WDFY3: variants seen among roughly 807,000 people sequenced by gnomAD.
WDFY3 encodes the protein WD repeat and FYVE domain containing 3.
Under a neutral mutation model 409.6 loss-of-function variants are expected in WDFY3, and 66 were observed. The ratio of observed to expected loss-of-function variants is 0.16; its 90% CI spans 0.13 to 0.20. The LOEUF (loss-of-function observed/expected upper bound fraction) is 0.20. Among genes scored for constraint, WDFY3 ranks in the 10% least tolerant of loss-of-function variants. The pLI, the probability that WDFY3 is intolerant of heterozygous loss-of-function variation, is 1.00. For synonymous variants in WDFY3, 1,521 were observed against 1,537.1 expected, an observed-to-expected ratio of 0.99 and a Z score of 0.25; for missense variants, 3,031 against 4,298.1, an observed-to-expected ratio of 0.71 and a Z score of 8.24.
intron 59 of WDFY3, among the ~76,000 whole-genome samples, chr4:84,692,192 TC>T (rs909470497): frequency 6.6e-6 from 1 of 152,156 alleles, no homozygotes; most frequent in African/African-American, 2.4e-5. Flanking sequence ...GTCATGTCAT[TC>T]CCCAGAGGAA....
chr4:84,863,845 G>A (rs1220932273), intron 3 of WDFY3, among the ~76,000 whole-genome samples: 1 of 152,124 alleles, frequency 6.6e-6, no homozygotes, highest in Non-Finnish European at 1.5e-5. Context: ...AAGATCAGCT[G>A]ACTGTAAATG....
intron 2 of WDFY3, among the ~76,000 whole-genome samples, chr4:84,929,357 G>A (rs1361594423): frequency 6.6e-6 from 1 of 152,038 alleles, no homozygotes; most frequent in Admixed American, 6.5e-5. Context: ...TGAGCCAGAG[G>A]ACTCAGTTAA....
At chr4:84,901,083 T>C (rs536454527) in intron 2 of WDFY3, among the ~76,000 whole-genome samples, 1 of 152,310 alleles carries the variant, frequency 6.6e-6, no homozygotes, top group East Asian at 1.9e-4. Flanking sequence ...TGTCCTCACA[T>C]GGCAGAAGGC....
At chr4:84,721,317 A>G in intron 47 of WDFY3, 92 bp downstream of exon 47, 1 of 1,517,088 alleles carries the variant, frequency 6.6e-7, no homozygotes, top group Non-Finnish European at 8.9e-7. Flanking sequence ...AGGCTAATGC[A>G]TTTACTTTCC....
At chr4:84,961,694 T>C (rs1398458353) in intron 1 of WDFY3, among the ~76,000 whole-genome samples, 1 of 152,170 alleles carries the variant, frequency 6.6e-6, no homozygotes, top group Non-Finnish European at 1.5e-5. Flanking sequence ...AAACTTTCTA[T>C]ACTGAGTCTA....
chr4:84,742,810 T>C (rs1355729489), intron 37 of WDFY3, among the ~76,000 whole-genome samples: 1 of 152,204 alleles, frequency 6.6e-6, no homozygotes, highest in African/African-American at 2.4e-5. Context: ...TCCATGAAAC[T>C]GGTCCCCAGT....
chr4:84,687,868 T>C (rs1728591913), intron 62 of WDFY3: 6 of 444,766 alleles, frequency 1.3e-5, no homozygotes. Flanking sequence ...TGGTGGTCTC[T>C]GACTTTCAGG....
Position 84,858,617 on chromosome 4 carries a change from G to A in WDFY3, c.180+1795C>T, listed in dbSNP as rs562674952. ...TATTTACCGAGACTGAACAATACAA[G>A]TTTTCAGATTAAGAAGGCTTAAGCT... On this transcript the variant is annotated intron_variant, in intron 4 of 67. Transcript: ENST00000295888. Among the ~76,000 whole-genome samples, 29 of 151,684 alleles carry A rather than the reference G, an allele frequency of 1.9e-4. No homozygotes were observed. The East Asian group carries it at 2.9e-3, about 15-fold the overall frequency.
intron 1 of WDFY3, among the ~76,000 whole-genome samples, chr4:84,949,123 T>C (rs895401941): frequency 2.0e-5 from 3 of 152,172 alleles, no homozygotes; most frequent in Admixed American, 2.0e-4. Context: ...GATTCTAGTC[T>C]GTCCTGCATA....
intron 32 of WDFY3, among the ~76,000 whole-genome samples, chr4:84,761,597 C>A (rs577923291): frequency 5.3e-5 from 8 of 152,124 alleles, no homozygotes; most frequent in Middle Eastern, 3.4e-3. Context: ...GCAACAAAAG[C>A]CAAAATTGAC....
chr4:84,868,043 C>T (rs1761645481), intron 3 of WDFY3, among the ~76,000 whole-genome samples: 2 of 151,658 alleles, frequency 1.3e-5, no homozygotes, highest in East Asian at 1.9e-4. Context: ...GTGTCATGCG[C>T]CTGTAGTCCC....
chr4:84,896,652 G>A (rs1765678385), intron 3 of WDFY3, among the ~76,000 whole-genome samples: 1 of 152,066 alleles, frequency 6.6e-6, no homozygotes, highest in South Asian at 2.1e-4. Flanking sequence ...TTTAAAATAT[G>A]TTAAATATGT....
intron 53 of WDFY3, among the ~76,000 whole-genome samples, chr4:84,706,100 G>T (rs1236971679): frequency 2.0e-5 from 3 of 152,120 alleles, no homozygotes; most frequent in African/African-American, 7.2e-5. Flanking sequence ...GTTTACCAGA[G>T]ATCACTTTAA....
chr4:84,733,504 C>T lies in WDFY3; in HGVS notation c.7099G>A (p.Asp2367Asn), dbSNP rs376537538. The T allele has an allele frequency of 2.2e-5, 35 of 1,613,984 alleles. No individual in the cohort carries two copies. Among genetic ancestry groups the T allele is most frequent in the South Asian group, 3.3e-5 (3 of 91,076 alleles). Residue 2367 changes from aspartate (D) to asparagine (N), a missense_variant, in exon 44 of 68, where the codon GAC (aspartate) becomes AAC (asparagine). Coordinates refer to ENST00000295888, the MANE Select transcript of WDFY3 (RefSeq NM_014991.6). ...LWGPPIGSHL[D>N]KWMLEMTEGP... Reference sequence around the variant, plus strand: ...TCTGTCATCTCCAGCATCCACTTGTCGAGGTGGGAGCCGATGGGAGGGCCC... The same window carrying T: ...TCTGTCATCTCCAGCATCCACTTGTTGAGGTGGGAGCCGATGGGAGGGCCC...
chr4:84,839,195 G>A (rs1158469150), intron 6 of WDFY3, among the ~76,000 whole-genome samples: 3 of 151,930 alleles, frequency 2.0e-5, no homozygotes, highest in East Asian at 1.9e-4. Flanking sequence ...ATGAATAAAT[G>A]TAGAAAACTG....
intron 2 of WDFY3, among the ~76,000 whole-genome samples, chr4:84,908,797 T>A (rs997508381): frequency 2.0e-5 from 3 of 152,142 alleles, no homozygotes; most frequent in African/African-American, 7.2e-5. Context: ...GCTCAAGAGT[T>A]CTTAGTGTTC....
At chr4:84,836,723 A>C (rs1382466821) in intron 7 of WDFY3, among the ~76,000 whole-genome samples, 3 of 152,184 alleles carry the variant, frequency 2.0e-5, no homozygotes, top group Non-Finnish European at 2.9e-5. Flanking sequence ...AAACTTGCTA[A>C]TGCCTCACTC....
At position 84,692,895 on chromosome 4, in the gene WDFY3, T is replaced by C. The variant is rs1729491963; in HGVS notation, c.9039A>G (p.Thr3013=). 1.9e-6 allele frequency: 3 copies of C among 1,607,112 alleles called. No homozygotes were observed. Among genetic ancestry groups the C allele is most frequent in the Non-Finnish European group, 2.5e-6 (3 of 1,178,514 alleles). Residue 3013 remains threonine, a synonymous_variant, in exon 59 of 68, where the codon ACA becomes ACG. Transcript: ENST00000295888. ...HHLDNLRPSL[T]PVKELKEPVG... ...TTCTCATTATTTTACCTTTTACAGG[T>C]GTTAGAGAAGGCCTCAAGTTGTCTA...
In WDFY3 at chr4:84,826,776, T is replaced by C. The variant is rs1349902027; in HGVS notation, c.1123+39A>G. On this transcript the variant is annotated intron_variant, in intron 10 of 67. Coordinates refer to ENST00000295888, the MANE Select transcript of WDFY3 (RefSeq NM_014991.6). ...ATAAGACAAATTCATTCTTTCTCTA[T>C]TTCTCTCAGTAGCACAGAAGGGAAA... 4 of 1,529,130 alleles carry C rather than the reference T, an allele frequency of 2.6e-6. No homozygotes were observed. The South Asian group carries it at 3.9e-5, about 15-fold the overall frequency. The allele number at this position is 1,529,130 out of a possible 1,614,324, so 94.7% of individuals were successfully genotyped here. A position where few individuals can be genotyped will look rare whatever the true frequency, so the allele number is the denominator to read the frequency against.
Sources: allele counts gnomAD v4.1 joint callset (sites outside exome capture counted in the v4.1 genomes callset), GRCh38; gene constraint gnomAD v4.1.1; transcripts MANE v1.5; gene names NCBI Gene and HGNC (gene_info 2026-07-23, HGNC 2026-07-21).